The following ATP4A variants were observed in gnomAD, a reference collection of about 807,000 sequenced individuals.
ATP4A encodes ATPase H+/K+ transporting subunit alpha.
ATP4A carries 73 observed loss-of-function variants against 112.1 expected under a neutral mutation model. That is an observed-to-expected ratio of 0.65 (90% confidence interval 0.54 to 0.79). ATP4A has a LOEUF of 0.79. Ranked by LOEUF, ATP4A falls within the 30% of genes least tolerant of loss-of-function variation. ATP4A has a pLI of 0.00. For missense variants in ATP4A, 1,081 were observed against 1,425.9 expected (o/e 0.76, Z 3.90); for synonymous variants, 588 against 588.9 (o/e 1.00, Z 0.02).
chr19:35,555,961 G>A lies in ATP4A; in HGVS notation c.1870-149C>T. 1 of 1,122,006 alleles carries A rather than the reference G, an allele frequency of 8.9e-7. No individual in the cohort carries two copies. Among genetic ancestry groups the A allele is most frequent in the Non-Finnish European group, 1.2e-6 (1 of 830,396 alleles). 69.5% of individuals were successfully genotyped at this position (1,122,006 alleles called of 1,614,324 possible). Reference sequence around the variant, plus strand: ...CCTGGGATATAGCAGAGACAAAAGAGACAAAAATCCCTGTCCTTGAGGAGC... The same window carrying A: ...CCTGGGATATAGCAGAGACAAAAGAAACAAAAATCCCTGTCCTTGAGGAGC... On this transcript the variant is annotated intron_variant, in intron 12 of 21. Coordinates refer to ENST00000262623, the MANE Select transcript of ATP4A (RefSeq NM_000704.3). The surrounding 1 kb of genome is among the most constrained non-coding windows in gnomAD (Gnocchi z 6.6).
At position 35,555,853 on chromosome 19, in the gene ATP4A, GCCCAATCTCCCTGTCCT is replaced by G; in HGVS notation, c.1870-58_1870-42del. 1 of 1,569,160 alleles carries G rather than the reference GCCCAATCTCCCTGTCCT, an allele frequency of 6.4e-7. No homozygotes were observed. The highest frequency in any genetic ancestry group is 8.7e-7 in the Non-Finnish European group (1 of 1,150,234). On this transcript the variant is annotated intron_variant, in intron 12 of 21. Coordinates refer to ENST00000262623, the MANE Select transcript of ATP4A (RefSeq NM_000704.3). The surrounding 1 kb of genome is among the most constrained non-coding windows in gnomAD (Gnocchi z 6.6). ...GTGGATCACTGACCCCTTCAGATCA[GCCCAATCTCCCTGTCCT>G]CCCTGGGAGACATCTGCTGATACAC... is the stretch of plus-strand genomic sequence containing the variant.
Position 35,555,664 on chromosome 19 carries a change from G to T in ATP4A, c.2006+12C>A, listed in dbSNP as rs1424341487. 1.3e-6 allele frequency: 2 copies of T among 1,594,790 alleles called. No homozygotes were observed. Among genetic ancestry groups the T allele is most frequent in the South Asian group, 2.2e-5 (2 of 90,108 alleles). ...TGTGGGGAGAACCCCGGGGAGGTCT[G>T]GGGGGGCTTACTTGCGATTAACCTG... On this transcript the variant is annotated intron_variant, in intron 13 of 21. Coordinates refer to ENST00000262623, the MANE Select transcript of ATP4A (RefSeq NM_000704.3). This position sits in a 1 kb window ranked among gnomAD's most constrained non-coding sequence, Gnocchi z 6.6.
At position 35,562,501 on chromosome 19, in the gene ATP4A, G is replaced by C. The variant is rs763139772; in HGVS notation, c.354C>G (p.Ala118=). The C allele has an allele frequency of 6.2e-7, 1 of 1,614,108 alleles. No individual in the cohort carries two copies. The highest frequency in any genetic ancestry group is 8.5e-7 in the Non-Finnish European group (1 of 1,180,006). The part of the protein sequence containing the change: ...AGGLQCLMWV[A]AAICLIAFAI... ...CAAAGGCGATGAGGCAGATGGCGGC[G>C]GCAACCCACATGAGGCACTGCAGGC... Residue 118 remains alanine, a synonymous_variant, in exon 4 of 22, where the codon GCC becomes GCG. Coordinates refer to ENST00000262623, the MANE Select transcript of ATP4A (RefSeq NM_000704.3).
rs1206850069 is a variant in ATP4A, at chr19:35,557,764, G to C, written c.1584C>G (p.Arg528=). 6.3e-7 allele frequency: 1 copy of C among 1,592,118 alleles called. No individual in the cohort carries two copies. The highest frequency in any genetic ancestry group is 8.6e-7 in the Non-Finnish European group (1 of 1,165,534). Residue 528 remains arginine, a synonymous_variant, in exon 11 of 22, where the codon CGC becomes CGG. Coordinates refer to ENST00000262623, the MANE Select transcript of ATP4A (RefSeq NM_000704.3). The surrounding 1 kb of genome is among the most constrained non-coding windows in gnomAD (Gnocchi z 4.4). ...GGCCCTTGATAAGGATGGAGCTGCA[G>C]CGCTCCAGCACGCGCTCGGGGGCGC... is the stretch of plus-strand genomic sequence containing the variant. The part of the protein sequence containing the change: ...MKGAPERVLE[R]CSSILIKGQE...
rs748819211 is a variant in ATP4A at position 35,560,971 on chromosome 19, G to A, written c.421-39C>T. ...AGGGGTGGGGTTATTCAGAGGGGCCGGAAGCTGCCTGCCTGAGGCCACCGA... is the reference window on the plus strand; with the variant it reads ...AGGGGTGGGGTTATTCAGAGGGGCCAGAAGCTGCCTGCCTGAGGCCACCGA... On this transcript the variant is annotated intron_variant, in intron 4 of 21. Transcript: ENST00000262623. This position sits in a 1 kb window ranked among gnomAD's most constrained non-coding sequence, Gnocchi z 5.1. 152 of 1,581,056 alleles carry A rather than the reference G, an allele frequency of 9.6e-5. No homozygotes were observed. Among genetic ancestry groups the A allele is most frequent in the Non-Finnish European group, 1.3e-4 (147 of 1,151,076 alleles).
rs576662045 is a variant in ATP4A at position 35,562,259 on chromosome 19, G to T, written c.420+176C>A. ...CAGTGTCCCTGTGTCCTGTGTCCTTGGGTCTGCCCCATCCATATCCCAATG... is the reference window on the plus strand; with the variant it reads ...CAGTGTCCCTGTGTCCTGTGTCCTTTGGTCTGCCCCATCCATATCCCAATG... On this transcript the variant is annotated intron_variant, in intron 4 of 21. Transcript: ENST00000262623. 2.0e-5 allele frequency among the ~76,000 whole-genome samples: 3 copies of T among 152,144 alleles called. No individual in the cohort carries two copies. The South Asian group carries it at 6.2e-4, about 32-fold the overall frequency.
rs2071637919 is a variant in ATP4A, at chr19:35,557,519, G to A, written c.1693+136C>T. 1 of 1,084,014 alleles carries A rather than the reference G, an allele frequency of 9.2e-7. No homozygotes were observed. The highest frequency in any genetic ancestry group is 1.6e-5 in the African/African-American group (1 of 63,386). 67.1% of individuals were successfully genotyped at this position (1,084,014 alleles called of 1,614,324 possible). On this transcript the variant is annotated intron_variant, in intron 11 of 21. Coordinates refer to ENST00000262623, the MANE Select transcript of ATP4A (RefSeq NM_000704.3). The surrounding 1 kb of genome is among the most constrained non-coding windows in gnomAD (Gnocchi z 4.4). ...CAGGACTGGTACAGGGAAAGTCAAGGGTGAGGCTGTGGACTGCGACAAATC... is the reference window on the plus strand; with the variant it reads ...CAGGACTGGTACAGGGAAAGTCAAGAGTGAGGCTGTGGACTGCGACAAATC...
rs567621344 is a variant in ATP4A at position 35,558,281 on chromosome 19, C to G, written c.1500+81G>C. 1,820 of 1,500,484 alleles carry G rather than the reference C, an allele frequency of 1.2e-3. 1 individual carries two copies. The highest frequency in any genetic ancestry group is 1.5e-3 in the Non-Finnish European group (1,728 of 1,117,262). The allele number at this position is 1,500,484 out of a possible 1,614,324, so 92.9% of individuals were successfully genotyped here. On this transcript the variant is annotated intron_variant, in intron 10 of 21. Transcript: ENST00000262623. This position sits in a 1 kb window ranked among gnomAD's most constrained non-coding sequence, Gnocchi z 5.1. Reference sequence around the variant, plus strand: ...AGAAGGGGCAAGGAGCGAAGCCCCTCGTGGCCCGCTGATGTGGGTGTGGCC... The same window carrying G: ...AGAAGGGGCAAGGAGCGAAGCCCCTGGTGGCCCGCTGATGTGGGTGTGGCC...
chr19:35,562,362 C>A, intron 4 of ATP4A, 73 bp downstream of exon 4: 1 of 1,531,254 alleles, frequency 6.5e-7, no homozygotes, highest in Non-Finnish European at 8.9e-7. Context: ...CCCCTCTTGT[C>A]CCAAGTCCCA....
In ATP4A at chr19:35,553,132, G is replaced by T. The variant is rs2071610979; in HGVS notation, c.2656C>A (p.Gln886Lys). Reference protein sequence around the residue: ...GFTDYFTAMAQEGWFPLLCVG... With the variant: ...GFTDYFTAMAKEGWFPLLCVG... ...CACAGCAGTGGGAACCAGCCCTCCTGGGCCATTGCCGTGAAGTAGTCAGTG... is the reference window on the plus strand; with the variant it reads ...CACAGCAGTGGGAACCAGCCCTCCTTGGCCATTGCCGTGAAGTAGTCAGTG... The change falls in exon 18 of 22, where the codon CAG (glutamine) becomes AAG (lysine). Residue 886 changes from glutamine (Q) to lysine (K), a missense_variant. By Grantham distance (53) the Gln-to-Lys change is moderately conservative (BLOSUM62 1). This residue lies in a region of ATP4A where 219 missense variants were observed against 320.9 expected (regional missense o/e 0.68). Transcript: ENST00000262623. 6.2e-7 allele frequency: 1 copy of T among 1,609,654 alleles called. No individual in the cohort carries two copies. Among genetic ancestry groups the T allele is most frequent in the Admixed American group, 1.7e-5 (1 of 59,896 alleles).
Position 35,560,271 on chromosome 19 carries a change from A to G in ATP4A, c.787+92T>C. 8 of 1,571,874 alleles carry G rather than the reference A, an allele frequency of 5.1e-6. No homozygotes were observed. Among genetic ancestry groups the G allele is most frequent in the Non-Finnish European group, 6.9e-6 (8 of 1,157,686 alleles). On this transcript the variant is annotated intron_variant, in intron 6 of 21. Coordinates refer to ENST00000262623, the MANE Select transcript of ATP4A (RefSeq NM_000704.3). This position sits in a 1 kb window ranked among gnomAD's most constrained non-coding sequence, Gnocchi z 5.1. ...GGTGGCAGTCATGCAGGAGAGAGAC[A>G]GGGAGGCTGAAGCCCCCTGTCCTAG... is the stretch of plus-strand genomic sequence containing the variant.
intron 16 of ATP4A, among the ~76,000 whole-genome samples, chr19:35,554,318 G>A (rs1482532271): frequency 6.6e-6 from 1 of 152,038 alleles, no homozygotes; most frequent in East Asian, 1.9e-4. Flanking sequence ...TATTTGCCCA[G>A]TGACCTGGGA....
In ATP4A at chr19:35,559,936, G is replaced by A; in HGVS notation, c.925C>T (p.Leu309=). 2 of 1,614,240 alleles carry A rather than the reference G, an allele frequency of 1.2e-6. No individual in the cohort carries two copies. The highest frequency in any genetic ancestry group is 1.7e-6 in the Non-Finnish European group (2 of 1,180,044). The change falls in exon 7 of 22, where the codon CTG becomes TTG. Residue 309 remains leucine, a synonymous_variant. Transcript: ENST00000262623. The surrounding 1 kb of genome is among the most constrained non-coding windows in gnomAD (Gnocchi z 4.1). ...IEHFVDIIAG[L]AILFGATFFI... ...AATGTGGCACCGAAGAGAATGGCCA[G>A]GCCCGCGATGATGTCCACAAAATGC...
rs2071660817 is a variant in ATP4A at position 35,560,286 on chromosome 19, C to G, written c.787+77G>C. 1.3e-6 allele frequency: 2 copies of G among 1,587,462 alleles called. No homozygotes were observed. The highest frequency in any genetic ancestry group is 1.7e-6 in the Non-Finnish European group (2 of 1,165,718). ...GGAGAGAGACAGGGAGGCTGAAGCC[C>G]CCTGTCCTAGAAGATAGCAGGAGAG... On this transcript the variant is annotated intron_variant, in intron 6 of 21. Coordinates refer to ENST00000262623, the MANE Select transcript of ATP4A (RefSeq NM_000704.3). This position sits in a 1 kb window ranked among gnomAD's most constrained non-coding sequence, Gnocchi z 5.1.
At position 35,558,975 on chromosome 19, in the gene ATP4A, G is replaced by A. The variant is rs1245056748; in HGVS notation, c.1255+18C>T. On this transcript the variant is annotated intron_variant, in intron 8 of 21. Coordinates refer to ENST00000262623, the MANE Select transcript of ATP4A (RefSeq NM_000704.3). This position sits in a 1 kb window ranked among gnomAD's most constrained non-coding sequence, Gnocchi z 5.1. ...CACCAGATCCTGCCCTGGCGCCTGTGCCCTCCCTCCCCCACACCTGACTGG... is the reference window on the plus strand; with the variant it reads ...CACCAGATCCTGCCCTGGCGCCTGTACCCTCCCTCCCCCACACCTGACTGG... 4 of 1,613,558 alleles carry A rather than the reference G, an allele frequency of 2.5e-6. No homozygotes were observed. The highest frequency in any genetic ancestry group is 3.4e-6 in the Non-Finnish European group (4 of 1,179,594).
Position 35,562,644 on chromosome 19 carries a change from A to T in ATP4A, c.217-6T>A. 6.3e-7 allele frequency: 1 copy of T among 1,587,712 alleles called. No homozygotes were observed. The highest frequency in any genetic ancestry group is 8.6e-7 in the Non-Finnish European group (1 of 1,168,468). ...GCCAGGCTCGCAGAGAGGCCCTGGG[A>T]CAGAGGGGCAGGGCGAGGCGGTCCT... is the stretch of plus-strand genomic sequence containing the variant. On this transcript the variant is annotated splice_region_variant and splice_polypyrimidine_tract_variant and intron_variant, in intron 3 of 21. Coordinates refer to ENST00000262623, the MANE Select transcript of ATP4A (RefSeq NM_000704.3).
At position 35,551,974 on chromosome 19, in the gene ATP4A, C is replaced by T. The variant is rs1599569951; in HGVS notation, c.2752-394G>A. ...TGGCAAAAATAGGTGAGGCAGTCAC[C>T]GCGGGCCTTTGGGAAAAGAGGGCAG... is the stretch of plus-strand genomic sequence containing the variant. On this transcript the variant is annotated intron_variant, in intron 18 of 21. Transcript: ENST00000262623. This position sits in a 1 kb window ranked among gnomAD's most constrained non-coding sequence, Gnocchi z 5.2. Among the ~76,000 whole-genome samples the T allele has an allele frequency of 2.0e-5, 3 of 152,218 alleles. No individual in the cohort carries two copies. The highest frequency in any genetic ancestry group is 4.1e-4 in the South Asian group (2 of 4,832).
Position 35,559,087 on chromosome 19 carries a change from G to A in ATP4A, c.1161C>T (p.Asp387=). The A allele has an allele frequency of 1.2e-6, 2 of 1,614,186 alleles. No homozygotes were observed. The highest frequency in any genetic ancestry group is 8.5e-7 in the Non-Finnish European group (1 of 1,180,024). The change falls in exon 8 of 22, where the codon GAC becomes GAT. Residue 387 remains aspartate, a synonymous_variant. Transcript: ENST00000262623. The surrounding 1 kb of genome is among the most constrained non-coding windows in gnomAD (Gnocchi z 4.1). ...TLGSTSVICS[D]KTGTLTQNRM... Reference sequence around the variant, plus strand: ...GGTTCTGAGTGAGAGTCCCTGTCTTGTCCGAGCAGATCACCGAAGTGGAGC... The same window carrying A: ...GGTTCTGAGTGAGAGTCCCTGTCTTATCCGAGCAGATCACCGAAGTGGAGC...
rs1355161500 is a variant in ATP4A, at chr19:35,554,919, T to TA, written c.2481+2dup. On this transcript the variant is annotated splice_region_variant and intron_variant, in intron 16 of 21. Transcript: ENST00000262623. ...GGATGGGTACCCTGGGCTGTGGACT[T>TA]ACAATGTCAGTGCAGAGTTCGATGA... 6.2e-7 allele frequency: 1 copy of TA among 1,614,066 alleles called. No homozygotes were observed. The highest frequency in any genetic ancestry group is 1.1e-5 in the South Asian group (1 of 91,068).
Sources: allele counts gnomAD v4.1 joint callset (sites outside exome capture counted in the v4.1 genomes callset), GRCh38; gene constraint gnomAD v4.1.1; regional missense constraint gnomAD v4.1.1; non-coding constraint Gnocchi (gnomAD v3.1); transcripts MANE v1.5; gene names NCBI Gene and HGNC (gene_info 2026-07-23, HGNC 2026-07-21).